The following ST3GAL1 variants were observed in gnomAD, a reference collection of about 807,000 sequenced individuals.
The protein encoded by ST3GAL1 is CMP-N-acetylneuraminate-beta-galactosamide-alpha-2,3-sialyltransferase 1.
ST3GAL1 carries 16 observed loss-of-function variants against 34.1 expected under a neutral mutation model. That is an observed-to-expected ratio of 0.47 (90% CI 0.32 to 0.71). The LOEUF (loss-of-function observed/expected upper bound fraction) is 0.71. Among genes scored for constraint, ST3GAL1 ranks in the 30% least tolerant of loss-of-function variants. The pLI is 0.04. For missense variants in ST3GAL1, 353 were observed against 447.4 expected, an observed-to-expected ratio of 0.79 and a Z score of 1.90; for synonymous variants, 191 against 184.7, an observed-to-expected ratio of 1.03 and a Z score of -0.28.
chr8:133,540,149 C>T (rs527767178), intron 2 of ST3GAL1, among the ~76,000 whole-genome samples: 76 of 152,114 alleles, frequency 5.0e-4, no homozygotes, highest in Admixed American at 1.6e-3. Flanking sequence ...CACATTAATC[C>T]GCTAATCCTT....
At chr8:133,544,923 A>G (rs1170454207) in intron 2 of ST3GAL1, among the ~76,000 whole-genome samples, 1 of 152,222 alleles carries the variant, frequency 6.6e-6, no homozygotes, top group Non-Finnish European at 1.5e-5. Flanking sequence ...TTCTGCAGTG[A>G]TGGCAATCAT....
chr8:133,499,451 T>G (rs1817079330), intron 2 of ST3GAL1: 1 of 152,152 alleles, frequency 6.6e-6, no homozygotes, highest in Admixed American at 6.5e-5. Flanking sequence ...GCATGATCTC[T>G]AAGACCACTT....
At chr8:133,541,822 T>G (rs990719231) in intron 2 of ST3GAL1, among the ~76,000 whole-genome samples, 4 of 152,120 alleles carry the variant, frequency 2.6e-5, no homozygotes, top group Non-Finnish European at 5.9e-5. Context: ...CGAGTTGATG[T>G]CAGAAGTAAC....
intron 1 of ST3GAL1, among the ~76,000 whole-genome samples, chr8:133,565,238 C>G (rs1819358751): frequency 6.6e-6 from 1 of 151,696 alleles, no homozygotes; most frequent in Non-Finnish European, 1.5e-5. Context: ...TTGTCCTGCC[C>G]TGGGGGGCTC....
At chr8:133,548,442 C>A (rs1041382663) in intron 1 of ST3GAL1, among the ~76,000 whole-genome samples, 2 of 152,228 alleles carry the variant, frequency 1.3e-5, no homozygotes, top group African/African-American at 2.4e-5. Flanking sequence ...GTGTTCCCTG[C>A]ATTCCTACAA....
At chr8:133,503,867 A>G (rs1817256731) in intron 2 of ST3GAL1, among the ~76,000 whole-genome samples, 1 of 152,222 alleles carries the variant, frequency 6.6e-6, no homozygotes, top group Non-Finnish European at 1.5e-5. Context: ...GAGGTGATGC[A>G]TTAGGGCTGA....
In ST3GAL1 at chr8:133,569,141, G is replaced by GC. The variant is rs1819489724; in HGVS notation, c.-582+2551dup. Among the ~76,000 whole-genome samples the GC allele has an allele frequency of 2.0e-5, 3 of 152,326 alleles. No individual in the cohort carries two copies. The South Asian group carries it at 6.2e-4, about 32-fold the overall frequency. ...CTGGGTGGGGTGCTGTGGCCTCCCA[G>GC]CCAGGGAGGTAGGCAACAAAGGCCC... On this transcript the variant is annotated intron_variant, in intron 1 of 9. Transcript: ENST00000522652.
chr8:133,503,145 GA>G (rs1450114306), intron 2 of ST3GAL1, among the ~76,000 whole-genome samples: 1 of 152,206 alleles, frequency 6.6e-6, no homozygotes, highest in Non-Finnish European at 1.5e-5. Flanking sequence ...TAACGAACAA[GA>G]AATAAACACC....
intron 5 of ST3GAL1, among the ~76,000 whole-genome samples, chr8:133,471,359 C>T (rs1480454364): frequency 5.3e-5 from 8 of 152,040 alleles, no homozygotes; most frequent in African/African-American, 4.8e-5. Flanking sequence ...GACAGGTTAG[C>T]GCCGGGACAG....
At chr8:133,530,754 C>G (rs188677030) in intron 2 of ST3GAL1, among the ~76,000 whole-genome samples, 54 of 152,300 alleles carry the variant, frequency 3.5e-4, no homozygotes, top group Middle Eastern at 3.4e-3. Flanking sequence ...GAAAAGCATC[C>G]TGTGTGACAG....
chr8:133,522,284 ATC>A (rs1395288114), intron 2 of ST3GAL1, among the ~76,000 whole-genome samples: 1 of 152,226 alleles, frequency 6.6e-6, no homozygotes, highest in African/African-American at 2.4e-5. Context: ...TTTTTTAAAA[ATC>A]TAAAAAAAAT....
chr8:133,503,733 TAC>T (rs2130999090), intron 2 of ST3GAL1, among the ~76,000 whole-genome samples: 1 of 152,268 alleles, frequency 6.6e-6, no homozygotes, highest in African/African-American at 2.4e-5. Context: ...TGAAAGCAGG[TAC>T]ATGTCAAGTA....
At chr8:133,481,872 C>T (rs1816409409) in intron 3 of ST3GAL1, among the ~76,000 whole-genome samples, 1 of 151,884 alleles carries the variant, frequency 6.6e-6, no homozygotes, top group African/African-American at 2.4e-5. Context: ...CTGGCAAATG[C>T]CTTGAAAGGA....
intron 2 of ST3GAL1, among the ~76,000 whole-genome samples, chr8:133,529,959 A>C (rs974700510): frequency 1.3e-5 from 2 of 151,048 alleles, no homozygotes; most frequent in African/African-American, 2.4e-5. Context: ...CTGTTCTCCT[A>C]CACATCATGA....
chr8:133,546,817 G>A (rs1343275789), intron 1 of ST3GAL1, among the ~76,000 whole-genome samples: 1 of 152,038 alleles, frequency 6.6e-6, no homozygotes, highest in Admixed American at 6.6e-5. Context: ...TGGCCAACAT[G>A]GTGAAATCTC....
chr8:133,477,757 G>A (rs1009916068), intron 3 of ST3GAL1, among the ~76,000 whole-genome samples: 1 of 152,044 alleles, frequency 6.6e-6, no homozygotes, highest in Non-Finnish European at 1.5e-5. Context: ...GTCTGCCCTG[G>A]AGCGTGGTCT....
rs760504998 is a variant in ST3GAL1, at chr8:133,459,838, C to T, written c.949G>A (p.Asp317Asn). 9.9e-6 allele frequency: 16 copies of T among 1,614,022 alleles called. No homozygotes were observed. Among genetic ancestry groups the T allele is most frequent in the African/African-American group, 8.0e-5 (6 of 74,932 alleles). ...GTCACGTTAGACTCAAAGTCTGCAT[C>T]GTGCACCCCCGTCTTGCGAAAAGCC... ...AGAFRKTGVH[D>N]ADFESNVTAT... The change falls in exon 10 of 10, where the codon GAT becomes AAT. Residue 317 changes from aspartate (D) to asparagine (N), a missense_variant. Physicochemically the swap from Asp to Asn is conservative, Grantham distance 23. Coordinates refer to ENST00000522652, the MANE Select transcript of ST3GAL1 (RefSeq NM_173344.3). The surrounding 1 kb of genome is among the most constrained non-coding windows in gnomAD (Gnocchi z 4.7).
At chr8:133,519,719 G>A (rs1315184071) in intron 2 of ST3GAL1, among the ~76,000 whole-genome samples, 2 of 152,150 alleles carry the variant, frequency 1.3e-5, no homozygotes. Context: ...GCTGAGGTGG[G>A]TGGATCACTT....
chr8:133,545,381 C>T (rs1354102910), intron 2 of ST3GAL1, among the ~76,000 whole-genome samples: 1 of 152,218 alleles, frequency 6.6e-6, no homozygotes, highest in Non-Finnish European at 1.5e-5. Flanking sequence ...CAGGCTTGTC[C>T]TGTAGGCCAC....
Sources: allele counts gnomAD v4.1 joint callset (sites outside exome capture counted in the v4.1 genomes callset), GRCh38; gene constraint gnomAD v4.1.1; non-coding constraint Gnocchi (gnomAD v3.1); transcripts MANE v1.5; gene names NCBI Gene and HGNC (gene_info 2026-07-23, HGNC 2026-07-21).